Variants in EPHA6 observed in about 807,000 individuals in gnomAD.
EPHA6 encodes the protein EPH receptor A6.
In EPHA6, 50 loss-of-function variants were observed where a neutral mutation model predicts 112.0. The observed-to-expected ratio is 0.45, with a 90% CI of 0.36 to 0.56. EPHA6 has a LOEUF of 0.56. Ranked by LOEUF, EPHA6 falls within the 20% of genes least tolerant of loss-of-function variation. EPHA6 has a pLI of 0.00. For synonymous variants in EPHA6, 529 were observed against 490.7 expected (o/e 1.08, Z -1.03); for missense variants, 1,280 against 1,417.4 (o/e 0.90, Z 1.56).
intron 4 of EPHA6, among the ~76,000 whole-genome samples, chr3:97,242,360 C>T (rs1576754265): frequency 4.0e-5 from 6 of 151,786 alleles, no homozygotes; most frequent in Admixed American, 3.9e-4. Context: ...GAATGGCATA[C>T]TTTCTATTCC....
intron 5 of EPHA6, among the ~76,000 whole-genome samples, chr3:97,317,125 A>T (rs2081880169): frequency 6.6e-6 from 1 of 151,574 alleles, no homozygotes; most frequent in Admixed American, 6.6e-5. Context: ...CCATCTCAGG[A>T]TTGGAAGAGA....
intron 10 of EPHA6, among the ~76,000 whole-genome samples, chr3:97,497,504 C>T (rs917616363): frequency 2.0e-5 from 3 of 152,078 alleles, no homozygotes; most frequent in African/African-American, 4.8e-5. Context: ...TGCCTTTATT[C>T]CACAGTAATT....
chr3:97,633,792 G>A (rs541549365), intron 13 of EPHA6, among the ~76,000 whole-genome samples: 2 of 152,202 alleles, frequency 1.3e-5, no homozygotes, highest in South Asian at 4.1e-4. Flanking sequence ...AGGCTATGTT[G>A]AGGAAGACCA....
At chr3:97,724,354 G>C (rs1559629258) in intron 15 of EPHA6, among the ~76,000 whole-genome samples, 2 of 152,114 alleles carry the variant, frequency 1.3e-5, no homozygotes, top group East Asian at 1.9e-4. Context: ...CACAGAACTA[G>C]TCCATAAAAG....
chr3:96,828,390 A>G (rs188168072), intron 1 of EPHA6, among the ~76,000 whole-genome samples: 70 of 152,232 alleles, frequency 4.6e-4, no homozygotes, highest in African/African-American at 1.7e-3. Flanking sequence ...TTAAAAAACT[A>G]CCTATGTGTC....
chr3:97,160,765 A>G (rs1396161752), intron 3 of EPHA6, among the ~76,000 whole-genome samples: 1 of 152,188 alleles, frequency 6.6e-6, no homozygotes, highest in Non-Finnish European at 1.5e-5. Context: ...AGCAAAGTGA[A>G]TAATCAGGTT....
intron 1 of EPHA6, among the ~76,000 whole-genome samples, chr3:96,821,293 A>G (rs1484392778): frequency 6.6e-6 from 1 of 151,976 alleles, no homozygotes; most frequent in African/African-American, 2.4e-5. Context: ...TGTTTTTTAG[A>G]AAATTCATAT....
chr3:97,266,444 T>C (rs1263751448), intron 5 of EPHA6, among the ~76,000 whole-genome samples: 3 of 152,130 alleles, frequency 2.0e-5, no homozygotes, highest in Non-Finnish European at 4.4e-5. Flanking sequence ...CTAATTAAGT[T>C]ATTTTCACAT....
chr3:97,288,203 C>A (rs2080543188), intron 5 of EPHA6, among the ~76,000 whole-genome samples: 1 of 152,142 alleles, frequency 6.6e-6, no homozygotes, highest in African/African-American at 2.4e-5. Flanking sequence ...AGCATAGCAC[C>A]CAACAGGCAG....
chr3:97,084,138 G>T (rs2046819743), intron 3 of EPHA6, among the ~76,000 whole-genome samples: 1 of 119,552 alleles, frequency 8.4e-6, no homozygotes, highest in African/African-American at 3.1e-5. Context: ...ATATATCCAT[G>T]CACACACACA....
chr3:97,169,353 G>T lies in EPHA6; in HGVS notation c.1115-56911G>T, dbSNP rs2076628606. Among the ~76,000 whole-genome samples the T allele has an allele frequency of 3.9e-5, 6 of 152,176 alleles. No homozygotes were observed. The South Asian group carries it at 1.2e-3, about 32-fold the overall frequency. On this transcript the variant is annotated intron_variant, in intron 3 of 17. Coordinates refer to ENST00000389672, the MANE Select transcript of EPHA6 (RefSeq NM_001080448.3). ...GATACAATAGCAGGTTCTCCACTTT[G>T]ATTTCCTGTTCAATCTGGAATACAC...
intron 5 of EPHA6, among the ~76,000 whole-genome samples, chr3:97,394,581 T>C (rs2086597802): frequency 6.6e-6 from 1 of 151,688 alleles, no homozygotes; most frequent in Non-Finnish European, 1.5e-5. Flanking sequence ...GTAATAATAA[T>C]GACCCAAATA....
In EPHA6 at chr3:97,748,836, C is replaced by T. The variant is rs922009478; in HGVS notation, c.*135C>T. On this transcript the variant is annotated 3_prime_UTR_variant, in exon 18 of 18. Transcript: ENST00000389672. The stretch of plus-strand genomic sequence containing the variant: ...TTCTGTTCAGACTATAGGCACACAC[C>T]TTATGTTTATGCTTCCAACCAGGAT... 9.6e-6 allele frequency: 6 copies of T among 627,730 alleles called. No homozygotes were observed. The highest frequency in any genetic ancestry group is 1.8e-5 in the South Asian group (1 of 54,422). The allele number at this position is 627,730 out of a possible 1,614,324, so 38.9% of individuals were successfully genotyped here.
intron 10 of EPHA6, among the ~76,000 whole-genome samples, chr3:97,529,418 C>T (rs1258136190): frequency 6.6e-6 from 1 of 151,796 alleles, no homozygotes; most frequent in Non-Finnish European, 1.5e-5. Context: ...ATGATGATTA[C>T]AACTATGTAT....
intron 2 of EPHA6, among the ~76,000 whole-genome samples, chr3:96,983,372 A>G (rs570381782): frequency 1.3e-5 from 2 of 152,186 alleles, no homozygotes; most frequent in South Asian, 2.1e-4. Flanking sequence ...AGAATGTTGA[A>G]TATTGGCCCC....
At chr3:97,082,010 C>T (rs1461466282) in intron 3 of EPHA6, among the ~76,000 whole-genome samples, 2 of 151,434 alleles carry the variant, frequency 1.3e-5, no homozygotes, top group South Asian at 2.1e-4. Context: ...AAGCATATAT[C>T]ATTTTAAAAA....
At chr3:97,611,031 G>C (rs2093715618) in intron 13 of EPHA6, among the ~76,000 whole-genome samples, 177 bp downstream of exon 13, 1 of 151,656 alleles carries the variant, frequency 6.6e-6, no homozygotes, top group Non-Finnish European at 1.5e-5. Flanking sequence ...TTACTAAGGG[G>C]GGAGGATGTA....
rs1259457206 is a variant in EPHA6 at position 97,575,708 on chromosome 3, G to C, written c.2387-16904G>C. Among the ~76,000 whole-genome samples the C allele has an allele frequency of 2.0e-5, 3 of 152,144 alleles. No individual in the cohort carries two copies. In the East Asian group the frequency reaches 5.8e-4, roughly 29 times the overall value. ...GGGAGCCTTTGAAAGGTTTTAAGCA[G>C]GGAAATCACATAGGCACATTCGCAT... On this transcript the variant is annotated intron_variant, in intron 11 of 17. Transcript: ENST00000389672.
intron 13 of EPHA6, among the ~76,000 whole-genome samples, chr3:97,633,679 C>G (rs573560950): frequency 1.3e-5 from 2 of 152,052 alleles, no homozygotes; most frequent in Non-Finnish European, 1.5e-5. Context: ...CAATAACAAC[C>G]ATTGCACCAC....
Sources: gnomAD v4.1 joint callset for allele counts (sites outside exome capture counted in the v4.1 genomes callset) on GRCh38, gnomAD v4.1.1 for gene constraint, MANE v1.5 for transcripts, NCBI Gene and HGNC (gene_info 2026-07-23, HGNC 2026-07-21) for gene names.